The following ADGRB3 variants were observed in gnomAD, a reference collection of about 807,000 sequenced individuals.
ADGRB3 encodes the protein adhesion G protein-coupled receptor B3.
Under a neutral mutation model 193.4 loss-of-function variants are expected in ADGRB3, and 37 were observed. The ratio of observed to expected loss-of-function variants is 0.19; its 90% CI spans 0.15 to 0.25. The LOEUF is 0.25. Ranked by LOEUF, ADGRB3 falls within the 10% of genes least tolerant of loss-of-function variation. ADGRB3 has a pLI of 1.00. For synonymous variants in ADGRB3, 690 were observed against 644.2 expected, an observed-to-expected ratio of 1.07 and a Z score of -1.08; for missense variants, 1,637 against 1,852.9, an observed-to-expected ratio of 0.88 and a Z score of 2.14.
At chr6:69,315,181 G>C (rs1306879242) in intron 20 of ADGRB3, among the ~76,000 whole-genome samples, 1 of 151,486 alleles carries the variant, frequency 6.6e-6, no homozygotes, top group African/African-American at 2.4e-5. Flanking sequence ...ATTAGAAAAT[G>C]AGAACCCTTT....
At chr6:68,800,996 T>C (rs1185257309) in intron 3 of ADGRB3, among the ~76,000 whole-genome samples, 1 of 152,160 alleles carries the variant, frequency 6.6e-6, no homozygotes, top group African/African-American at 2.4e-5. Flanking sequence ...AACTTTATTC[T>C]AAGACATAAA....
chr6:68,670,691 G>A lies in ADGRB3; in HGVS notation c.757+31259G>A, dbSNP rs565004419. On this transcript the variant is annotated intron_variant, in intron 3 of 31. Transcript: ENST00000370598. ...GTAGCATAATTTGAAGTCAGGTAAT[G>A]TGATTCTTCCAGTTTTGTTCTTTTT... 6.6e-5 allele frequency among the ~76,000 whole-genome samples: 10 copies of A among 152,098 alleles called. No homozygotes were observed. The East Asian group carries it at 1.7e-3, about 26-fold the overall frequency.
chr6:68,736,563 C>CAG (rs1468549152), intron 3 of ADGRB3, among the ~76,000 whole-genome samples: 1 of 151,988 alleles, frequency 6.6e-6, no homozygotes, highest in Non-Finnish European at 1.5e-5. Flanking sequence ...GGATGGATAA[C>CAG]AGAGAGAGAC....
intron 3 of ADGRB3, among the ~76,000 whole-genome samples, chr6:68,830,546 A>T (rs77063556): frequency 0.017 from 2,551 of 152,252 alleles, 74 homozygotes; most frequent in African/African-American, 0.058. Flanking sequence ...CCTTTTCTGA[A>T]CTTTTCTTAA....
At chr6:68,991,098 A>G (rs532117251) in intron 10 of ADGRB3, among the ~76,000 whole-genome samples, 1 of 152,072 alleles carries the variant, frequency 6.6e-6, no homozygotes, top group South Asian at 2.1e-4. Flanking sequence ...AAGCAGCACT[A>G]CCTCTTTAAG....
intron 3 of ADGRB3, among the ~76,000 whole-genome samples, chr6:68,702,028 A>G (rs1386477345): frequency 3.3e-5 from 5 of 152,162 alleles, no homozygotes; most frequent in African/African-American, 9.7e-5. Flanking sequence ...TTGCTCTGCT[A>G]TAAAGAAATA....
intron 19 of ADGRB3, 59 bp from the exon 20 acceptor site, chr6:69,239,065 A>G (rs1421277982): frequency 2.0e-6 from 2 of 998,400 alleles, no homozygotes; most frequent in Non-Finnish European, 3.1e-6. Context: ...TGCACAATAT[A>G]TAATTCTTCA....
chr6:68,872,694 A>G (rs1765493550), intron 3 of ADGRB3, among the ~76,000 whole-genome samples: 1 of 152,126 alleles, frequency 6.6e-6, no homozygotes, highest in African/African-American at 2.4e-5. Context: ...TACTGAAATA[A>G]CACATCCACA....
At position 68,953,136 on chromosome 6, in the gene ADGRB3, G is replaced by A. The variant is rs76767723; in HGVS notation, c.1196-2888G>A. 3.4e-4 allele frequency among the ~76,000 whole-genome samples: 51 copies of A among 151,890 alleles called. 1 individual carries two copies. In the East Asian group the frequency reaches 8.9e-3, roughly 26 times the overall value. On this transcript the variant is annotated intron_variant, in intron 6 of 31. Transcript: ENST00000370598. ...GCCAAATTATCTTCTCTCTGATTTC[G>A]ACATTTGACTTGCACATTCTAGATG...
intron 3 of ADGRB3, among the ~76,000 whole-genome samples, chr6:68,798,630 T>G (rs151319775): frequency 7.2e-5 from 11 of 152,284 alleles, no homozygotes; most frequent in Non-Finnish European, 1.3e-4. Flanking sequence ...CATGTATACC[T>G]ATGTAACAAA....
chr6:68,752,446 T>C (rs1766217422), intron 3 of ADGRB3, among the ~76,000 whole-genome samples: 1 of 151,782 alleles, frequency 6.6e-6, no homozygotes, highest in Non-Finnish European at 1.5e-5. Flanking sequence ...CTGGCCAATT[T>C]TATATTTTTA....
At chr6:68,705,754 G>T (rs992494828) in intron 3 of ADGRB3, among the ~76,000 whole-genome samples, 1 of 152,166 alleles carries the variant, frequency 6.6e-6, no homozygotes, top group Non-Finnish European at 1.5e-5. Flanking sequence ...TTTTATTTAG[G>T]AGCTACTGCA....
At chr6:68,734,315 G>C (rs1171842542) in intron 3 of ADGRB3, among the ~76,000 whole-genome samples, 1 of 151,966 alleles carries the variant, frequency 6.6e-6, no homozygotes, top group Non-Finnish European at 1.5e-5. Flanking sequence ...GCCTCTCCCA[G>C]GTAGGGTGAA....
intron 17 of ADGRB3, among the ~76,000 whole-genome samples, chr6:69,129,940 A>T (rs936812061): frequency 2.0e-5 from 3 of 152,152 alleles, no homozygotes; most frequent in Non-Finnish European, 4.4e-5. Context: ...CTAATTGTTT[A>T]TAACCAACTT....
intron 3 of ADGRB3, among the ~76,000 whole-genome samples, chr6:68,646,566 T>A (rs1203832296): frequency 6.6e-6 from 1 of 152,078 alleles, no homozygotes; most frequent in Non-Finnish European, 1.5e-5. Flanking sequence ...ATGATAACAC[T>A]GAATTTTCAT....
intron 3 of ADGRB3, among the ~76,000 whole-genome samples, chr6:68,866,968 G>A (rs1291583677): frequency 2.6e-5 from 4 of 152,296 alleles, no homozygotes; most frequent in Non-Finnish European, 5.9e-5. Context: ...ATGTTCAAAA[G>A]CAGAGTATAA....
intron 3 of ADGRB3, among the ~76,000 whole-genome samples, chr6:68,660,280 ATAT>A (rs35943552): frequency 0.06 from 9,004 of 149,834 alleles, 366 homozygotes; most frequent in East Asian, 0.17. Flanking sequence ...ATATATTTTA[ATAT>A]TATGTGTTTT....
intron 3 of ADGRB3, among the ~76,000 whole-genome samples, chr6:68,730,106 C>A (rs1765744931): frequency 6.6e-6 from 1 of 151,512 alleles, no homozygotes; most frequent in African/African-American, 2.4e-5. Flanking sequence ...TTTTATATTT[C>A]CAGTACACAT....
chr6:68,696,899 C>G (rs770834229), intron 3 of ADGRB3, among the ~76,000 whole-genome samples: 1 of 151,932 alleles, frequency 6.6e-6, no homozygotes, highest in African/African-American at 2.4e-5. Context: ...ACCTTTCGTC[C>G]TCCTGTAAAT....
Sources: allele counts gnomAD v4.1 joint callset (sites outside exome capture counted in the v4.1 genomes callset), GRCh38; gene constraint gnomAD v4.1.1; transcripts MANE v1.5; gene names NCBI Gene and HGNC (gene_info 2026-07-23, HGNC 2026-07-21).